Variants in COL18A1 observed in about 807,000 individuals in gnomAD.
The protein encoded by COL18A1 is collagen type XVIII alpha 1 chain.
Under a neutral mutation model 168.0 loss-of-function variants are expected in COL18A1, and 133 were observed. That is an observed-to-expected ratio of 0.79 (90% CI 0.69 to 0.91). The LOEUF (loss-of-function observed/expected upper bound fraction) is 0.91. Among genes scored for constraint, COL18A1 ranks in the 40% least tolerant of loss-of-function variants. The pLI is 0.00. For missense variants in COL18A1, 2,126 were observed against 1,925.4 expected (o/e 1.10, Z -1.95); for synonymous variants, 949 against 809.0 (o/e 1.17, Z -2.94).
chr21:45,436,560 G>T (rs1052600020), intron 2 of COL18A1, among the ~76,000 whole-genome samples: 4 of 152,168 alleles, frequency 2.6e-5, no homozygotes, highest in African/African-American at 9.7e-5. Context: ...GCCACGTGGA[G>T]GCCACATGGA....
intron 2 of COL18A1, among the ~76,000 whole-genome samples, chr21:45,418,972 G>C (rs751278925): frequency 6.6e-6 from 1 of 152,220 alleles, no homozygotes; most frequent in Admixed American, 6.5e-5. Flanking sequence ...AGTCTTCACC[G>C]CCTCAGTCTG....
chr21:45,475,188 C>G (rs915734648), intron 4 of COL18A1, among the ~76,000 whole-genome samples: 1 of 152,226 alleles, frequency 6.6e-6, no homozygotes, highest in Non-Finnish European at 1.5e-5. Flanking sequence ...GAGAGGAGCG[C>G]GTTCCCCCTC....
rs571271547 is a variant in COL18A1 at position 45,512,524 on chromosome 21, C to A, written c.*126C>A. Reference sequence around the variant, plus strand: ...CTGCCATACTTTCCTGTATAGTTCACGTTTCATGTAATCCTCAAGAAATAA... The same window carrying A: ...CTGCCATACTTTCCTGTATAGTTCAAGTTTCATGTAATCCTCAAGAAATAA... On this transcript the variant is annotated 3_prime_UTR_variant, in exon 42 of 42. Coordinates refer to ENST00000651438, the MANE Select transcript of COL18A1 (RefSeq NM_001379500.1). 8.6e-6 allele frequency: 7 copies of A among 818,306 alleles called. No homozygotes were observed. Among genetic ancestry groups the A allele is most frequent in the Non-Finnish European group, 1.4e-5 (7 of 508,290 alleles). The allele number at this position is 818,306 out of a possible 1,614,324, so 50.7% of individuals were successfully genotyped here.
At chr21:45,476,267 A>T in intron 5 of COL18A1, 84 bp from the exon 6 acceptor site, 3 of 1,588,002 alleles carry the variant, frequency 1.9e-6, no homozygotes, top group Non-Finnish European at 2.6e-6. Context: ...TTGCGATCTT[A>T]AGTATTTCAT....
Position 45,487,517 on chromosome 21 carries a change from TGTG to T in COL18A1, c.1896+9_1896+11del, listed in dbSNP as rs1382533415. The T allele has an allele frequency of 2.5e-6, 4 of 1,612,696 alleles. No individual in the cohort carries two copies. In the South Asian group the frequency reaches 4.4e-5, roughly 18 times the overall value. ...AGCGCTGATGGGCCACAGGTAGTGT[TGTG>T]AGCTGGGCGTGGCCGGCTCTGAGGG... On this transcript the variant is annotated intron_variant, in intron 17 of 41. Coordinates refer to ENST00000651438, the MANE Select transcript of COL18A1 (RefSeq NM_001379500.1).
At chr21:45,510,786 A>T (rs2838954) in intron 40 of COL18A1, among the ~76,000 whole-genome samples, 2 of 151,948 alleles carry the variant, frequency 1.3e-5, no homozygotes, top group South Asian at 4.1e-4. Context: ...GGCTGGGAGC[A>T]GGCGGCTGTG....
chr21:45,444,448 A>G (rs914229), intron 2 of COL18A1, among the ~76,000 whole-genome samples: 66,622 of 151,986 alleles, frequency 0.44, 16,172 homozygotes, highest in African/African-American at 0.66. Flanking sequence ...GGCTGGGGTC[A>G]GCTGGTCGTC....
At chr21:45,456,758 C>G in intron 2 of COL18A1, 1 of 1,540,482 alleles carries the variant, frequency 6.5e-7, no homozygotes, top group Non-Finnish European at 8.7e-7. Context: ...ACCCTGCTGC[C>G]AGTTCTGCGA....
intron 37 of COL18A1, chr21:45,506,505 C>T (rs2037211552): frequency 9.9e-6 from 2 of 202,296 alleles, no homozygotes; most frequent in East Asian, 1.2e-4. Context: ...AGCCCCTTTC[C>T]TGCTTTCCCA....
chr21:45,405,555 T>G (rs2033069783), intron 2 of COL18A1, 82 bp downstream of exon 2: 4 of 870,986 alleles, frequency 4.6e-6, no homozygotes, highest in Non-Finnish European at 6.0e-6. Context: ...CCCGGCTCCC[T>G]CACCCCCGCC....
rs754264615 is a variant in COL18A1, at chr21:45,456,307, G to A, written c.107-11935G>A. The stretch of plus-strand genomic sequence containing the variant: ...AGCTCCAACGCCCTGACGTCCGCCT[G>A]CGCACGCCACTTCTGCACCCCCTGG... On this transcript the variant is annotated intron_variant, in intron 2 of 41. Coordinates refer to ENST00000651438, the MANE Select transcript of COL18A1 (RefSeq NM_001379500.1). 6 of 1,553,632 alleles carry A rather than the reference G, an allele frequency of 3.9e-6. No homozygotes were observed. In the South Asian group the frequency reaches 4.7e-5, roughly 12 times the overall value.
Position 45,490,295 on chromosome 21 carries a change from A to C in COL18A1, c.1980A>C (p.Gly660=). The change falls in exon 20 of 42, where the codon GGA becomes GGC. Residue 660 remains glycine (G), a synonymous_variant. Coordinates refer to ENST00000651438, the MANE Select transcript of COL18A1 (RefSeq NM_001379500.1). ...PGAKGEVGAD[G]VPGFPGLPGR... ...TTCAGGGAGAAGTTGGAGCAGATGG[A>C]GTCCCCGGGTTCCCCGGCCTCCCTG... The C allele has an allele frequency of 6.3e-7, 1 of 1,587,360 alleles. No individual in the cohort carries two copies. Among genetic ancestry groups the C allele is most frequent in the South Asian group, 1.1e-5 (1 of 87,324 alleles).
Position 45,498,370 on chromosome 21 carries a change from C to CAGTCCCCTCTCGCCGCCAG in COL18A1, c.2683+709_2683+710insAGTCCCCTCTCGCCGCCAG, listed in dbSNP as rs2036616736. The CAGTCCCCTCTCGCCGCCAG allele has an allele frequency of 1.5e-6, 1 of 661,274 alleles. No homozygotes were observed. Among genetic ancestry groups the CAGTCCCCTCTCGCCGCCAG allele is most frequent in the Non-Finnish European group, 2.8e-6 (1 of 360,264 alleles). 41.0% of individuals were successfully genotyped at this position (661,274 alleles called of 1,614,324 possible). On this transcript the variant is annotated intron_variant, in intron 32 of 41. Transcript: ENST00000651438. This position sits in a 1 kb window ranked among gnomAD's most constrained non-coding sequence, Gnocchi z 4.5. ...CCGCCAGGGTTCCCTCTCGCCACCA[C>CAGTCCCCTCTCGCCGCCAG]GGTCCCCTCTCGCCGCCAGGGTCCC... is the stretch of plus-strand genomic sequence containing the variant.
chr21:45,512,062 G>A lies in COL18A1; in HGVS notation c.3810-126G>A, dbSNP rs1257646101. ...GGCCATGTGGCCCTCCAGGTTGTGGGAGCCTCTGCAGCCCCCTGGTAACCC... is the reference window on the plus strand; with the variant it reads ...GGCCATGTGGCCCTCCAGGTTGTGGAAGCCTCTGCAGCCCCCTGGTAACCC... On this transcript the variant is annotated intron_variant, in intron 41 of 41. Coordinates refer to ENST00000651438, the MANE Select transcript of COL18A1 (RefSeq NM_001379500.1). 3.9e-6 allele frequency: 4 copies of A among 1,026,402 alleles called. No individual in the cohort carries two copies. In the Admixed American group the frequency reaches 6.0e-5, roughly 16 times the overall value. The allele number at this position is 1,026,402 out of a possible 1,614,324, so 63.6% of individuals were successfully genotyped here.
intron 31 of COL18A1, 41 bp from the exon 32 acceptor site, chr21:45,497,558 C>G: frequency 6.4e-7 from 1 of 1,551,026 alleles, no homozygotes; most frequent in South Asian, 1.2e-5. Context: ...GGAGTCCTCC[C>G]TGGCACATTC....
At position 45,437,900 on chromosome 21, in the gene COL18A1, TCA is replaced by T. The variant is rs1391887516; in HGVS notation, c.107-30340_107-30339del. ...CAGGCACTCTCCTGCACACACACAC[TCA>T]CTCAGACACAGGCACTCTCCTGCAC... On this transcript the variant is annotated intron_variant, in intron 2 of 41. Transcript: ENST00000651438. 9.8e-5 allele frequency among the ~76,000 whole-genome samples: 2 copies of T among 20,428 alleles called. 1 individual carries two copies. Among genetic ancestry groups the T allele is most frequent in the Non-Finnish European group, 1.6e-4 (2 of 12,818 alleles). 13.4% of individuals were successfully genotyped at this position (20,428 alleles called of 152,430 possible). A position where few individuals can be genotyped will look rare whatever the true frequency, so the allele number is the denominator to read the frequency against.
At chr21:45,478,600 G>C (rs1450735447) in intron 9 of COL18A1, among the ~76,000 whole-genome samples, 1 of 151,982 alleles carries the variant, frequency 6.6e-6, no homozygotes, top group Non-Finnish European at 1.5e-5. Context: ...GTGAGAAAAG[G>C]CAGAGCTTCC....
intron 32 of COL18A1, among the ~76,000 whole-genome samples, chr21:45,499,464 G>A (rs1323300243): frequency 7.5e-6 from 1 of 133,084 alleles, no homozygotes; most frequent in African/African-American, 2.8e-5. Context: ...GCCCCGCATG[G>A]CATCCCAGGA....
intron 2 of COL18A1, among the ~76,000 whole-genome samples, chr21:45,438,594 G>C (rs980939259): frequency 6.6e-6 from 1 of 152,246 alleles, no homozygotes; most frequent in Admixed American, 6.5e-5. Context: ...TTCAGGGCAG[G>C]AAAGGGAAAG....
Sources: allele counts gnomAD v4.1 joint callset (sites outside exome capture counted in the v4.1 genomes callset), GRCh38; gene constraint gnomAD v4.1.1; non-coding constraint Gnocchi (gnomAD v3.1); transcripts MANE v1.5; gene names NCBI Gene and HGNC (gene_info 2026-07-23, HGNC 2026-07-21).